The following LMX1B variants were observed in gnomAD, a reference collection of about 807,000 sequenced individuals.
LMX1B encodes the protein LIM homeobox transcription factor 1 beta.
A neutral mutation model predicts 51.4 loss-of-function variants in LMX1B; 12 were observed. The observed-to-expected ratio is 0.23, with a 90% confidence interval of 0.15 to 0.38. LMX1B has a LOEUF of 0.38. Among genes scored for constraint, LMX1B ranks in the 10% least tolerant of loss-of-function variants. LMX1B has a pLI of 1.00. For missense variants in LMX1B, 445 were observed against 571.1 expected (o/e 0.78, Z 2.25); for synonymous variants, 237 against 235.4 (o/e 1.01, Z -0.06).
Position 126,614,604 on chromosome 9 carries a change from G to A in LMX1B, c.139+16G>A. The A allele has an allele frequency of 6.4e-7, 1 of 1,562,204 alleles. No individual in the cohort carries two copies. The highest frequency in any genetic ancestry group is 2.4e-5 in the East Asian group (1 of 41,852). On this transcript the variant is annotated intron_variant, in intron 1 of 7. Coordinates refer to ENST00000373474, the MANE Select transcript of LMX1B (RefSeq NM_001174147.2). ...GTGCTGCTGGGTGAGTGCGGGGTCG[G>A]AACGCCCGAGTGGTCTCGGGCGTGG...
chr9:126,664,433 C>T (rs752412475), intron 2 of LMX1B, among the ~76,000 whole-genome samples: 2 of 152,240 alleles, frequency 1.3e-5, no homozygotes, highest in Non-Finnish European at 1.5e-5. Flanking sequence ...TATACCCCTT[C>T]CCCTTGAACC....
intron 2 of LMX1B, among the ~76,000 whole-genome samples, chr9:126,646,403 C>CCCAT (rs55688235): frequency 0.22 from 33,751 of 151,640 alleles, 4,033 homozygotes; most frequent in Middle Eastern, 0.34. Flanking sequence ...CATCAATCTA[C>CCCAT]CCATCCATCC....
At chr9:126,659,385 C>G (rs1212436859) in intron 2 of LMX1B, among the ~76,000 whole-genome samples, 2 of 152,256 alleles carry the variant, frequency 1.3e-5, no homozygotes, top group Non-Finnish European at 2.9e-5. Flanking sequence ...CACGCTGTCC[C>G]CAGGAGGCTG....
chr9:126,632,768 C>T (rs1401964486), intron 2 of LMX1B, among the ~76,000 whole-genome samples: 1 of 152,192 alleles, frequency 6.6e-6, no homozygotes, highest in Non-Finnish European at 1.5e-5. Flanking sequence ...CCTGAGCACT[C>T]TGGGCTGGTC....
intron 1 of LMX1B, 121 bp downstream of exon 1, chr9:126,614,709 G>C (rs1835267836): frequency 8.9e-7 from 1 of 1,125,688 alleles, no homozygotes; most frequent in Non-Finnish European, 1.2e-6. Context: ...ATGGGGAGGA[G>C]GCAGAGACAG....
intron 2 of LMX1B, among the ~76,000 whole-genome samples, chr9:126,621,902 T>A (rs1372551530): frequency 2.0e-5 from 3 of 152,160 alleles, no homozygotes; most frequent in Admixed American, 1.3e-4. Flanking sequence ...GAATGGCAAC[T>A]TTCTTGGGTT....
intron 2 of LMX1B, among the ~76,000 whole-genome samples, chr9:126,672,760 A>AG (rs1836482209): frequency 1.3e-5 from 2 of 152,186 alleles, no homozygotes; most frequent in South Asian, 4.1e-4. Context: ...GGCCTTAGGG[A>AG]GGGGGGCGCA....
At chr9:126,669,003 G>C (rs937355524) in intron 2 of LMX1B, among the ~76,000 whole-genome samples, 5 of 152,228 alleles carry the variant, frequency 3.3e-5, no homozygotes, top group Non-Finnish European at 7.3e-5. Flanking sequence ...GGCCAGACTC[G>C]TTTGCTCTTT....
chr9:126,694,262 A>G (rs576539206), intron 6 of LMX1B, among the ~76,000 whole-genome samples: 6 of 152,226 alleles, frequency 3.9e-5, no homozygotes, highest in African/African-American at 1.4e-4. Context: ...GGGTATTGCC[A>G]TGTCCCATTT....
intron 2 of LMX1B, among the ~76,000 whole-genome samples, chr9:126,648,552 T>C (rs1835945459): frequency 6.6e-6 from 1 of 152,116 alleles, no homozygotes. Flanking sequence ...ATCCGTAAAA[T>C]GGTGTTAATT....
chr9:126,644,362 T>C (rs930440078), intron 2 of LMX1B, among the ~76,000 whole-genome samples: 1 of 152,126 alleles, frequency 6.6e-6, no homozygotes, highest in Non-Finnish European at 1.5e-5. Flanking sequence ...ATTTAAGCTT[T>C]AATGGCCAGC....
At chr9:126,652,301 G>GGT (rs1444150926) in intron 2 of LMX1B, among the ~76,000 whole-genome samples, 22 of 150,412 alleles carry the variant, frequency 1.5e-4, no homozygotes, top group African/African-American at 5.4e-4. Flanking sequence ...GGAGAAGGGG[G>GGT]GGGGGATTTT....
intron 2 of LMX1B, among the ~76,000 whole-genome samples, chr9:126,637,362 CCT>C (rs1835732592): frequency 1.3e-5 from 2 of 152,108 alleles, no homozygotes; most frequent in African/African-American, 4.8e-5. Flanking sequence ...TGCACGTCAC[CCT>C]CTGTGCCTGT....
At chr9:126,653,114 C>CTGTGTTTT (rs1328962275) in intron 2 of LMX1B, among the ~76,000 whole-genome samples, 2 of 132,680 alleles carry the variant, frequency 1.5e-5, no homozygotes, top group African/African-American at 5.8e-5. Context: ...CCATTCCCCT[C>CTGTGTTTT]TGTGTTTTGT....
At position 126,626,232 on chromosome 9, in the gene LMX1B, T is replaced by C. The variant is rs571556417; in HGVS notation, c.326+10663T>C. On this transcript the variant is annotated intron_variant, in intron 2 of 7. Coordinates refer to ENST00000373474, the MANE Select transcript of LMX1B (RefSeq NM_001174147.2). The surrounding 1 kb of genome is among the most constrained non-coding windows in gnomAD (Gnocchi z 4.3). ...GTCGGGGACGCCAGAGTGCACGCAG[T>C]CTCCTGCGCGCCGAGCCCAGGCTCC... Among the ~76,000 whole-genome samples, 3 of 152,156 alleles carry C rather than the reference T, an allele frequency of 2.0e-5. No individual in the cohort carries two copies. The highest frequency in any genetic ancestry group is 7.2e-5 in the African/African-American group (3 of 41,510).
chr9:126,691,088 G>C lies in LMX1B; in HGVS notation c.559+20G>C. On this transcript the variant is annotated intron_variant, in intron 3 of 7. Coordinates refer to ENST00000373474, the MANE Select transcript of LMX1B (RefSeq NM_001174147.2). ...ACTCCGGTGAGGCCTGGCCTGAGCT[G>C]GGGGCAGGCCTCAGGGACGGGGGTT... 3 of 1,577,484 alleles carry C rather than the reference G, an allele frequency of 1.9e-6. No individual in the cohort carries two copies. Among genetic ancestry groups the C allele is most frequent in the African/African-American group, 1.4e-5 (1 of 73,948 alleles).
intron 2 of LMX1B, among the ~76,000 whole-genome samples, chr9:126,623,710 AG>A (rs1419917419): frequency 6.6e-6 from 1 of 151,978 alleles, no homozygotes; most frequent in South Asian, 2.1e-4. Context: ...AGGGGTGGGG[AG>A]GGGGAGTCGC....
chr9:126,696,016 A>ACGGGGGCGC lies in LMX1B; in HGVS notation c.1051+14_1051+15insGGGGGCGCC. The ACGGGGGCGC allele has an allele frequency of 6.6e-7, 1 of 1,512,700 alleles. No homozygotes were observed. Among genetic ancestry groups the ACGGGGGCGC allele is most frequent in the Non-Finnish European group, 8.8e-7 (1 of 1,131,794 alleles). 93.7% of individuals were successfully genotyped at this position (1,512,700 alleles called of 1,614,324 possible). ...ATGAACCCCTATGGTAAGCCGCCCT[A>ACGGGGGCGC]CCCCCACCCGCCCGCCCCAGCACAG... is the stretch of plus-strand genomic sequence containing the variant. On this transcript the variant is annotated intron_variant, in intron 7 of 7. Coordinates refer to ENST00000373474, the MANE Select transcript of LMX1B (RefSeq NM_001174147.2).
chr9:126,635,787 G>C (rs1382608300), intron 2 of LMX1B, among the ~76,000 whole-genome samples: 1 of 152,202 alleles, frequency 6.6e-6, no homozygotes, highest in Non-Finnish European at 1.5e-5. Flanking sequence ...ATTAGGGCCT[G>C]ACTAAGTAGC....
Sources: gnomAD v4.1 joint callset for allele counts (sites outside exome capture counted in the v4.1 genomes callset) on GRCh38, gnomAD v4.1.1 for gene constraint, Gnocchi (gnomAD v3.1) non-coding constraint, MANE v1.5 for transcripts, NCBI Gene and HGNC (gene_info 2026-07-23, HGNC 2026-07-21) for gene names.